Variants in LRMDA observed in about 807,000 individuals in gnomAD.
LRMDA encodes leucine rich melanocyte differentiation associated.
LRMDA carries 18 observed loss-of-function variants against 29.8 expected under a neutral mutation model. That is an observed-to-expected ratio of 0.60 (90% CI 0.42 to 0.90). LRMDA has a LOEUF of 0.90. Ranked by LOEUF, LRMDA falls within the 40% of genes least tolerant of loss-of-function variation. The probability of loss-of-function intolerance (pLI) is 0.00; values close to 1 mark genes in which losing one functional copy is unlikely to be tolerated. For synonymous variants in LRMDA, 125 were observed against 109.4 expected (o/e 1.14, Z -0.89); for missense variants, 273 against 273.9 (o/e 1.00, Z 0.02).
intron 2 of LRMDA, among the ~76,000 whole-genome samples, chr10:75,802,902 G>A (rs1843778672): frequency 6.6e-6 from 1 of 150,598 alleles, no homozygotes; most frequent in African/African-American, 2.4e-5. Flanking sequence ...GTTATTTGTG[G>A]TCTTGACCTG....
intron 2 of LRMDA, among the ~76,000 whole-genome samples, chr10:75,690,467 G>A (rs1295978932): frequency 6.6e-6 from 1 of 152,058 alleles, no homozygotes; most frequent in Non-Finnish European, 1.5e-5. Context: ...ACCATGCCAA[G>A]CTAATTTTAT....
intron 6 of LRMDA, among the ~76,000 whole-genome samples, chr10:76,410,741 G>T (rs1841952074): frequency 6.6e-6 from 1 of 152,122 alleles, no homozygotes; most frequent in Non-Finnish European, 1.5e-5. Flanking sequence ...ATCACTTGAA[G>T]TCAGGAGTTT....
intron 6 of LRMDA, among the ~76,000 whole-genome samples, chr10:76,450,980 T>C (rs1416167401): frequency 1.3e-5 from 2 of 152,190 alleles, no homozygotes; most frequent in African/African-American, 2.4e-5. Flanking sequence ...CTAGATGATA[T>C]TGTTGTCTTT....
intron 2 of LRMDA, among the ~76,000 whole-genome samples, chr10:75,662,745 T>C (rs1387658786): frequency 6.6e-6 from 1 of 152,246 alleles, no homozygotes; most frequent in East Asian, 1.9e-4. Flanking sequence ...AAATTCTGTC[T>C]TGTCTTTGGT....
At chr10:75,940,139 G>A (rs1355002136) in intron 2 of LRMDA, among the ~76,000 whole-genome samples, 1 of 152,142 alleles carries the variant, frequency 6.6e-6, no homozygotes, top group African/African-American at 2.4e-5. Context: ...ACACAGTTGA[G>A]TAAGATGGAG....
chr10:75,849,913 G>A (rs931527366), intron 2 of LRMDA, among the ~76,000 whole-genome samples: 12 of 152,340 alleles, frequency 7.9e-5, no homozygotes, highest in African/African-American at 2.4e-4. Context: ...AGCCAAAGCT[G>A]AAAGCAATTG....
rs115030971 is a variant in LRMDA at position 76,059,328 on chromosome 10, G to A, written c.516+545G>A. On this transcript the variant is annotated intron_variant, in intron 5 of 6. Transcript: ENST00000611255. ...ATGTATCTCTCCAGAGCTGATTAGA[G>A]TGGTGTTTACTGACCTTTCCTTTAC... Among the ~76,000 whole-genome samples, 371 of 152,356 alleles carry A rather than the reference G, an allele frequency of 2.4e-3. 2 individuals carry two copies. Among genetic ancestry groups the A allele is most frequent in the African/African-American group, 7.5e-3 (310 of 41,582 alleles).
At chr10:75,488,689 A>C (rs754338242) in intron 2 of LRMDA, among the ~76,000 whole-genome samples, 1 of 152,062 alleles carries the variant, frequency 6.6e-6, no homozygotes, top group Admixed American at 6.5e-5. Flanking sequence ...CACTGTCCCT[A>C]TGGTTCTGGA....
chr10:75,735,513 T>C (rs1842751286), intron 2 of LRMDA, among the ~76,000 whole-genome samples: 1 of 152,240 alleles, frequency 6.6e-6, no homozygotes, highest in Non-Finnish European at 1.5e-5. Flanking sequence ...CCTGGATTGG[T>C]ACTGAGGGAT....
At position 75,577,294 on chromosome 10, in the gene LRMDA, T is replaced by A. The variant is rs1275251135; in HGVS notation, c.131+138800T>A. Among the ~76,000 whole-genome samples the A allele has an allele frequency of 2.0e-5, 3 of 151,672 alleles. No homozygotes were observed. In the East Asian group the frequency reaches 5.8e-4, roughly 29 times the overall value. On this transcript the variant is annotated intron_variant, in intron 2 of 6. Coordinates refer to ENST00000611255, the MANE Select transcript of LRMDA (RefSeq NM_001305581.2). ...CAAGTGGAAGAAAGGATATCAGAGA[T>A]TGAAGATCAACTCAATGAAATAAAG...
chr10:75,494,030 A>G (rs1235880973), intron 2 of LRMDA, among the ~76,000 whole-genome samples: 1 of 152,138 alleles, frequency 6.6e-6, no homozygotes, highest in Non-Finnish European at 1.5e-5. Flanking sequence ...TTGGGATTAC[A>G]GGCGTCAGCC....
intron 5 of LRMDA, among the ~76,000 whole-genome samples, chr10:76,169,199 G>A (rs963538135): frequency 4.6e-5 from 7 of 152,086 alleles, no homozygotes; most frequent in African/African-American, 1.2e-4. Flanking sequence ...AGGATTCTTC[G>A]GCATAAAACT....
chr10:76,477,690 G>A (rs1299208913), intron 6 of LRMDA, among the ~76,000 whole-genome samples: 2 of 152,040 alleles, frequency 1.3e-5, no homozygotes, highest in Admixed American at 1.3e-4. Context: ...CATGGTACTG[G>A]TACCAAAGCA....
In LRMDA at chr10:76,363,171, A is replaced by G. The variant is rs1564520634; in HGVS notation, c.601+38686A>G. Among the ~76,000 whole-genome samples the G allele has an allele frequency of 8.8e-3, 287 of 32,542 alleles. 10 individuals carry two copies. Among genetic ancestry groups the G allele is most frequent in the Middle Eastern group, 0.042 (3 of 72 alleles). 21.3% of individuals were successfully genotyped at this position (32,542 alleles called of 152,430 possible). A position where few individuals can be genotyped will look rare whatever the true frequency, so the allele number is the denominator to read the frequency against. ...AAAGAAAGAAAGAAAGAAAGAAAGA[A>G]AGAAAGGAGGGAGGGAGGGAGGGAG... On this transcript the variant is annotated intron_variant, in intron 6 of 6. Transcript: ENST00000611255.
chr10:75,740,703 A>G (rs763993545), intron 2 of LRMDA, among the ~76,000 whole-genome samples: 9 of 152,148 alleles, frequency 5.9e-5, no homozygotes, highest in Non-Finnish European at 1.3e-4. Context: ...AAGAATCCCA[A>G]CATCTGTTGA....
At chr10:75,578,239 A>AAAAAAAG (rs1276229635) in intron 2 of LRMDA, among the ~76,000 whole-genome samples, 1 of 144,010 alleles carries the variant, frequency 6.9e-6, no homozygotes, top group Non-Finnish European at 1.5e-5. Flanking sequence ...AAAAAAAAAA[A>AAAAAAAG]GCAGCAGTTG....
intron 2 of LRMDA, among the ~76,000 whole-genome samples, chr10:75,689,151 A>T (rs1842116040): frequency 6.6e-6 from 1 of 152,202 alleles, no homozygotes; most frequent in African/African-American, 2.4e-5. Flanking sequence ...TTTGAGCTAA[A>T]GAAGTATTTT....
At chr10:75,909,514 A>AT (rs372404593) in intron 2 of LRMDA, among the ~76,000 whole-genome samples, 139 of 146,754 alleles carry the variant, frequency 9.5e-4, no homozygotes, top group South Asian at 1.9e-3. Context: ...GCACTGATGT[A>AT]TTTTTTTTTT....
At chr10:75,784,659 C>T (rs191348583) in intron 2 of LRMDA, among the ~76,000 whole-genome samples, 1 of 149,450 alleles carries the variant, frequency 6.7e-6, no homozygotes, top group Non-Finnish European at 1.5e-5. Flanking sequence ...GCAGAGATTG[C>T]GCCACTGCAC....
Sources: gnomAD v4.1 joint callset for allele counts (sites outside exome capture counted in the v4.1 genomes callset) on GRCh38, gnomAD v4.1.1 for gene constraint, MANE v1.5 for transcripts, NCBI Gene and HGNC (gene_info 2026-07-23, HGNC 2026-07-21) for gene names.